WWP1: variants seen among roughly 807,000 people sequenced by gnomAD.
WWP1 encodes NEDD4-like E3 ubiquitin-protein ligase WWP1.
WWP1 carries 49 observed loss-of-function variants against 130.6 expected under a neutral mutation model. That is an observed-to-expected ratio of 0.38 (90% CI 0.30 to 0.48). The LOEUF is 0.48. Among genes scored for constraint, WWP1 ranks in the 20% least tolerant of loss-of-function variants. The pLI is 0.99. For synonymous variants in WWP1, 332 were observed against 367.8 expected, an observed-to-expected ratio of 0.90 and a Z score of 1.11; for missense variants, 809 against 1,100.6, an observed-to-expected ratio of 0.74 and a Z score of 3.75.
intron 9 of WWP1, among the ~76,000 whole-genome samples, chr8:86,414,621 A>G (rs990748156): frequency 2.5e-4 from 38 of 152,208 alleles, no homozygotes; most frequent in African/African-American, 7.7e-4. Context: ...TAACTTACTG[A>G]GTCATTTAGC....
chr8:86,385,196 G>A (rs1825207775), intron 5 of WWP1, among the ~76,000 whole-genome samples: 1 of 152,162 alleles, frequency 6.6e-6, no homozygotes, highest in Admixed American at 6.5e-5. Flanking sequence ...TCTGAGGTGT[G>A]CTCTATATAG....
chr8:86,350,780 T>C (rs1822877481), intron 1 of WWP1, among the ~76,000 whole-genome samples: 1 of 152,200 alleles, frequency 6.6e-6, no homozygotes, highest in Non-Finnish European at 1.5e-5. Context: ...TTGACTGGGC[T>C]GGGTGGAAGC....
intron 7 of WWP1, among the ~76,000 whole-genome samples, chr8:86,399,300 C>A (rs192318707): frequency 1.3e-5 from 2 of 152,144 alleles, no homozygotes; most frequent in Admixed American, 1.3e-4. Flanking sequence ...CTTCAGACAT[C>A]ATTGTGGCCT....
At position 86,448,487 on chromosome 8, in the gene WWP1, T is replaced by C; in HGVS notation, c.2247T>C (p.Thr749=). The C allele has an allele frequency of 6.2e-7, 1 of 1,613,668 alleles. No homozygotes were observed. Among genetic ancestry groups the C allele is most frequent in the Non-Finnish European group, 8.5e-7 (1 of 1,179,866 alleles). The part of the protein sequence containing the change: ...LKLGGSNILV[T]EENKDEYIGL... ...TGGGAGGTTCCAATATTCTGGTGAC[T>C]GAGGAGAACAAAGATGAATATATTG... is the stretch of plus-strand genomic sequence containing the variant. The change falls in exon 20 of 25, where the codon ACT becomes ACC. Residue 749 remains threonine (T), a synonymous_variant. Coordinates refer to ENST00000517970, the MANE Select transcript of WWP1 (RefSeq NM_007013.4).
rs1811784538 is a variant in WWP1, at chr8:86,461,866, A to T, written c.2669+20A>T. ...TACATGGTAAGTTCAAGAATCCTAAATACGAAGGTGAAAGCCACAGAGAAT... is the reference window on the plus strand; with the variant it reads ...TACATGGTAAGTTCAAGAATCCTAATTACGAAGGTGAAAGCCACAGAGAAT... On this transcript the variant is annotated intron_variant, in intron 24 of 24. Transcript: ENST00000517970. The T allele has an allele frequency of 6.3e-7, 1 of 1,590,052 alleles. No homozygotes were observed. Among genetic ancestry groups the T allele is most frequent in the South Asian group, 1.1e-5 (1 of 89,058 alleles).
Position 86,358,225 on chromosome 8 carries a change from T to A in WWP1, c.-114-10714T>A, listed in dbSNP as rs115227766. 6.5e-3 allele frequency among the ~76,000 whole-genome samples: 994 copies of A among 152,246 alleles called. 10 individuals carry two copies. Among genetic ancestry groups the A allele is most frequent in the African/African-American group, 0.023 (954 of 41,544 alleles). ...TGTTTTGGGCTGTGGAGATGAAATA[T>A]TGGTGAGGTGAGCATGGACTTGAAT... is the stretch of plus-strand genomic sequence containing the variant. On this transcript the variant is annotated intron_variant, in intron 1 of 24. Coordinates refer to ENST00000517970, the MANE Select transcript of WWP1 (RefSeq NM_007013.4).
In WWP1 at chr8:86,424,149, C is replaced by G. The variant is rs1384459088; in HGVS notation, c.1062-1074C>G. On this transcript the variant is annotated intron_variant, in intron 9 of 24. Coordinates refer to ENST00000517970, the MANE Select transcript of WWP1 (RefSeq NM_007013.4). ...CAGATGGGGCGGCCGGGCAGAGACACTCCTCACCTCCCAGACTGGGTCACG... is the reference window on the plus strand; with the variant it reads ...CAGATGGGGCGGCCGGGCAGAGACAGTCCTCACCTCCCAGACTGGGTCACG... Among the ~76,000 whole-genome samples the G allele has an allele frequency of 4.0e-5, 6 of 150,170 alleles. No individual in the cohort carries two copies. In the East Asian group the frequency reaches 8.1e-4, roughly 20 times the overall value.
chr8:86,397,465 T>C (rs1187865600), intron 5 of WWP1, among the ~76,000 whole-genome samples: 1 of 152,154 alleles, frequency 6.6e-6, no homozygotes, highest in Admixed American at 6.5e-5. Context: ...GATGAGAACA[T>C]TTAGAATTTT....
intron 9 of WWP1, among the ~76,000 whole-genome samples, chr8:86,416,577 C>CTT (rs561660860): frequency 1.4e-5 from 2 of 140,456 alleles, no homozygotes; most frequent in Non-Finnish European, 3.1e-5. Context: ...TTCCACATTT[C>CTT]TTTTTTTTTT....
At chr8:86,445,167 T>C (rs1204292828) in intron 18 of WWP1, among the ~76,000 whole-genome samples, 2 of 152,182 alleles carry the variant, frequency 1.3e-5, no homozygotes, top group African/African-American at 2.4e-5. Context: ...AGTCTATTAG[T>C]TGCAGGTCAA....
intron 5 of WWP1, among the ~76,000 whole-genome samples, chr8:86,391,604 A>G (rs549839932): frequency 6.6e-5 from 10 of 152,284 alleles, no homozygotes; most frequent in Non-Finnish European, 8.8e-5. Context: ...TGTTTTTGCA[A>G]TAAGGAAGAG....
chr8:86,342,847 G>C lies in WWP1; in HGVS notation c.-198G>C, dbSNP rs1822281854. On this transcript the variant is annotated 5_prime_UTR_variant, in exon 1 of 25. Coordinates refer to ENST00000517970, the MANE Select transcript of WWP1 (RefSeq NM_007013.4). ...CTGCTGCGAGATGGCGATCTTGGGCGCGGAAGGGTGAGGGCGCCCGCCGCA... is the reference window on the plus strand; with the variant it reads ...CTGCTGCGAGATGGCGATCTTGGGCCCGGAAGGGTGAGGGCGCCCGCCGCA... The C allele has an allele frequency of 8.2e-6, 3 of 367,204 alleles. No individual in the cohort carries two copies. The East Asian group carries it at 1.2e-4, about 14-fold the overall frequency. The allele number at this position is 367,204 out of a possible 1,614,324, so 22.7% of individuals were successfully genotyped here. A position where few individuals can be genotyped will look rare whatever the true frequency, so the allele number is the denominator to read the frequency against.
rs201400948 is a variant in WWP1 at position 86,435,543 on chromosome 8, A to T, written c.1677+16A>T. 1.1e-5 allele frequency: 17 copies of T among 1,613,778 alleles called. No homozygotes were observed. Among genetic ancestry groups the T allele is most frequent in the Non-Finnish European group, 1.4e-5 (17 of 1,179,828 alleles). The stretch of plus-strand genomic sequence containing the variant: ...TTTGTGCCAGGTACTATAGTGGTAA[A>T]TAAATCTTATACTCAATAATTTAGT... On this transcript the variant is annotated intron_variant, in intron 15 of 24. Coordinates refer to ENST00000517970, the MANE Select transcript of WWP1 (RefSeq NM_007013.4).
At chr8:86,415,747 G>A (rs976848433) in intron 9 of WWP1, among the ~76,000 whole-genome samples, 2 of 152,158 alleles carry the variant, frequency 1.3e-5, no homozygotes, top group Non-Finnish European at 2.9e-5. Flanking sequence ...GATGGAGTAT[G>A]AACTCTTTTG....
At chr8:86,429,210 G>A (rs564932627) in intron 11 of WWP1, among the ~76,000 whole-genome samples, 2 of 152,324 alleles carry the variant, frequency 1.3e-5, no homozygotes, top group East Asian at 3.9e-4. Context: ...GTTGTTGCAA[G>A]CCCTTGCCTT....
Position 86,381,541 on chromosome 8 carries a change from T to C in WWP1, c.246T>C (p.Val82=). 1 of 1,609,904 alleles carries C rather than the reference T, an allele frequency of 6.2e-7. No individual in the cohort carries two copies. Among genetic ancestry groups the C allele is most frequent in the Non-Finnish European group, 8.5e-7 (1 of 1,179,068 alleles). ...CACAGACTACATTGGAATTTCAAGT[T>C]TGGAGCCATCGCACTTTAAAAGCAG... ...VTPQTTLEFQ[V]WSHRTLKADA... Residue 82 remains valine, a synonymous_variant, in exon 5 of 25, where the codon GTT becomes GTC. Transcript: ENST00000517970.
At chr8:86,388,104 A>T (rs573266648) in intron 5 of WWP1, among the ~76,000 whole-genome samples, 2 of 151,594 alleles carry the variant, frequency 1.3e-5, no homozygotes, top group Non-Finnish European at 2.9e-5. Flanking sequence ...TGTATTGGTC[A>T]GTGCAGTATC....
At chr8:86,431,550 C>A (rs1318311482) in intron 13 of WWP1, 60 bp downstream of exon 13, 1 of 1,611,402 alleles carries the variant, frequency 6.2e-7, no homozygotes, top group Non-Finnish European at 8.5e-7. Flanking sequence ...AACCAACCAA[C>A]CTTGAATGAG....
intron 23 of WWP1, 65 bp from the exon 24 acceptor site, chr8:86,461,709 A>T: frequency 8.2e-7 from 1 of 1,221,134 alleles, no homozygotes; most frequent in Non-Finnish European, 1.2e-6. Flanking sequence ...TCTATTATTT[A>T]AGCAGTTGTC....
Sources: allele counts gnomAD v4.1 joint callset (sites outside exome capture counted in the v4.1 genomes callset), GRCh38; gene constraint gnomAD v4.1.1; transcripts MANE v1.5; gene names NCBI Gene and HGNC (gene_info 2026-07-23, HGNC 2026-07-21).